Variants in STRADA observed in about 807,000 individuals in gnomAD.
STRADA encodes STE20 related adaptor alpha.
STRADA carries 26 observed loss-of-function variants against 55.0 expected under a neutral mutation model. The observed-to-expected ratio is 0.47, with a 90% CI of 0.35 to 0.66. The LOEUF is 0.66. Ranked by LOEUF, STRADA falls within the 30% of genes least tolerant of loss-of-function variation. The pLI, the probability that STRADA is intolerant of heterozygous loss-of-function variation, is 0.01. For synonymous variants in STRADA, 197 were observed against 210.9 expected, an observed-to-expected ratio of 0.93 and a Z score of 0.57; for missense variants, 443 against 549.7, an observed-to-expected ratio of 0.81 and a Z score of 1.94.
intron 10 of STRADA, 69 bp downstream of exon 10, chr17:63,706,566 G>A (rs2036104025): frequency 9.0e-7 from 1 of 1,108,494 alleles, no homozygotes. Context: ...TCCTGAGTGT[G>A]AGAGCTACTC....
At position 63,703,431 on chromosome 17, in the gene STRADA, G is replaced by A; in HGVS notation, c.*168C>T. 1 of 659,924 alleles carries A rather than the reference G, an allele frequency of 1.5e-6. No individual in the cohort carries two copies. The allele number at this position is 659,924 out of a possible 1,614,324, so 40.9% of individuals were successfully genotyped here. On this transcript the variant is annotated 3_prime_UTR_variant, in exon 13 of 13. Transcript: ENST00000336174. ...GTCTCAAAAGCCTTGGAGCAGTGAA[G>A]TGTCTCTCCAGGATTTTCTTTCCCA...
At position 63,704,566 on chromosome 17, in the gene STRADA, A is replaced by G; in HGVS notation, c.875T>C (p.Leu292Pro). The change falls in exon 11 of 13, where the codon CTG becomes CCG. Residue 292 changes from leucine (L) to proline (P), a missense_variant. Physicochemically the swap from Leu to Pro is moderately conservative, Grantham distance 98. Transcript: ENST00000336174. ...MPATQMLLEKLNGTVPCLLDT... is the reference protein window; with the variant it reads ...MPATQMLLEKPNGTVPCLLDT... ...CAACAGGCAGGGCACTGTGCCGTTC[A>G]GTTTCTCTAGCAGCATCTGGGGAGG... 1 of 1,384,158 alleles carries G rather than the reference A, an allele frequency of 7.2e-7. No homozygotes were observed. The highest frequency in any genetic ancestry group is 9.5e-7 in the Non-Finnish European group (1 of 1,055,586). The allele number at this position is 1,384,158 out of a possible 1,614,324, so 85.7% of individuals were successfully genotyped here. A position where few individuals can be genotyped will look rare whatever the true frequency, so the allele number is the denominator to read the frequency against.
chr17:63,704,922 G>A, intron 10 of STRADA: 1 of 1,534,846 alleles, frequency 6.5e-7, no homozygotes, highest in Non-Finnish European at 8.7e-7. Flanking sequence ...GAGGGAAGGA[G>A]CAGTCAGATG....
chr17:63,738,072 G>C (rs766819048), intron 1 of STRADA, among the ~76,000 whole-genome samples: 1 of 151,958 alleles, frequency 6.6e-6, no homozygotes, highest in Non-Finnish European at 1.5e-5. Context: ...GCTGGGCACG[G>C]TGGCTCACGC....
chr17:63,711,699 C>T (rs981750414), intron 6 of STRADA, among the ~76,000 whole-genome samples: 3 of 151,900 alleles, frequency 2.0e-5, no homozygotes, highest in Non-Finnish European at 4.4e-5. Context: ...CTTTGGGAGG[C>T]GAGGCAGGCA....
intron 4 of STRADA, among the ~76,000 whole-genome samples, chr17:63,717,373 T>C (rs931917329): frequency 4.6e-5 from 7 of 152,212 alleles, no homozygotes; most frequent in African/African-American, 1.7e-4. Flanking sequence ...AATGGCGTGA[T>C]CTCAGCTCAC....
At chr17:63,710,358 G>C in intron 8 of STRADA, 133 bp downstream of exon 8, 2 of 1,449,492 alleles carry the variant, frequency 1.4e-6, no homozygotes, top group Non-Finnish European at 1.9e-6. Flanking sequence ...AGAGCAAAGA[G>C]ATCTTCAGCA....
At chr17:63,708,073 G>T (rs1364974635) in intron 8 of STRADA, among the ~76,000 whole-genome samples, 1 of 152,032 alleles carries the variant, frequency 6.6e-6, no homozygotes, top group Admixed American at 6.6e-5. Flanking sequence ...TAGAGATGGG[G>T]TTTTGCCATG....
intron 1 of STRADA, among the ~76,000 whole-genome samples, chr17:63,731,742 C>T (rs2038070016): frequency 1.3e-5 from 2 of 152,104 alleles, no homozygotes; most frequent in Non-Finnish European, 2.9e-5. Flanking sequence ...TCCATATCCT[C>T]ATGTAGTCTA....
chr17:63,732,053 A>G (rs1284234483), intron 1 of STRADA, among the ~76,000 whole-genome samples: 2 of 151,892 alleles, frequency 1.3e-5, no homozygotes, highest in East Asian at 1.9e-4. Flanking sequence ...TATTTTTAGT[A>G]GAGACAGGGT....
At position 63,736,849 on chromosome 17, in the gene STRADA, CA is replaced by C. The variant is rs1051246761; in HGVS notation, c.-45+4891del. 6.3e-5 allele frequency among the ~76,000 whole-genome samples: 8 copies of C among 127,466 alleles called. No individual in the cohort carries two copies. The South Asian group carries it at 1.3e-3, about 21-fold the overall frequency. 83.6% of individuals were successfully genotyped at this position (127,466 alleles called of 152,430 possible). A position where few individuals can be genotyped will look rare whatever the true frequency, so the allele number is the denominator to read the frequency against. ...TTTCTTCCCCCCACGCCCCCCCCACCAAAAAAAAATCAAGCAGAAAGGCAAC... is the reference window on the plus strand; with the variant it reads ...TTTCTTCCCCCCACGCCCCCCCCACCAAAAAAAATCAAGCAGAAAGGCAAC... On this transcript the variant is annotated intron_variant, in intron 1 of 12. Transcript: ENST00000336174.
intron 1 of STRADA, among the ~76,000 whole-genome samples, chr17:63,731,996 C>T (rs2038093310): frequency 6.6e-6 from 1 of 152,114 alleles, no homozygotes; most frequent in African/African-American, 2.4e-5. Flanking sequence ...TCCTGAGTAG[C>T]TGGGACTACA....
intron 4 of STRADA, among the ~76,000 whole-genome samples, chr17:63,721,727 AG>A (rs1331371750): frequency 6.6e-6 from 1 of 151,972 alleles, no homozygotes; most frequent in African/African-American, 2.4e-5. Flanking sequence ...AAAAAAAAAA[AG>A]AAAGAAAGAA....
chr17:63,730,797 G>A (rs1230100464), intron 1 of STRADA, among the ~76,000 whole-genome samples: 1 of 151,942 alleles, frequency 6.6e-6, no homozygotes, highest in African/African-American at 2.4e-5. Flanking sequence ...TTGATCTCAG[G>A]TGATCCACCC....
At chr17:63,714,875 T>A (rs1413413972) in intron 4 of STRADA, among the ~76,000 whole-genome samples, 2 of 152,222 alleles carry the variant, frequency 1.3e-5, no homozygotes, top group African/African-American at 4.8e-5. Context: ...GACCAACAGC[T>A]CTTCTTTCAG....
At position 63,712,076 on chromosome 17, in the gene STRADA, A is replaced by G. The variant is rs111586869; in HGVS notation, c.349-1240T>C. Among the ~76,000 whole-genome samples the G allele has an allele frequency of 8.4e-3, 1,283 of 152,292 alleles. 15 individuals carry two copies. Among genetic ancestry groups the G allele is most frequent in the Middle Eastern group, 0.014 (4 of 294 alleles). Reference sequence around the variant, plus strand: ...CTAGAGCACCATCAGGTAACCACCAATTCAGAAAAAGTTGTAAATGAAGGA... The same window carrying G: ...CTAGAGCACCATCAGGTAACCACCAGTTCAGAAAAAGTTGTAAATGAAGGA... On this transcript the variant is annotated intron_variant, in intron 6 of 12. Transcript: ENST00000336174.
At chr17:63,703,982 C>T in intron 12 of STRADA, 23 bp downstream of exon 12, 1 of 1,613,738 alleles carries the variant, frequency 6.2e-7, no homozygotes, top group Non-Finnish European at 8.5e-7. Context: ...AGAACCAGAA[C>T]CAGAACGAAG....
In STRADA at chr17:63,733,141, C is replaced by T. The variant is rs564481735; in HGVS notation, c.-44-4728G>A. ...CTGACCTCAGGTGATCCGCCCACCT[C>T]GGCCTTCCAACTAAAAACCATTTCC... On this transcript the variant is annotated intron_variant, in intron 1 of 12. Transcript: ENST00000336174. Among the ~76,000 whole-genome samples the T allele has an allele frequency of 2.6e-5, 4 of 152,292 alleles. No individual in the cohort carries two copies. The South Asian group carries it at 6.2e-4, about 24-fold the overall frequency.
chr17:63,724,379 G>T (rs2037504764), intron 3 of STRADA, among the ~76,000 whole-genome samples: 1 of 151,766 alleles, frequency 6.6e-6, no homozygotes. Flanking sequence ...CTGACCTCAG[G>T]TGATCTGCCT....
Sources: allele counts gnomAD v4.1 joint callset (sites outside exome capture counted in the v4.1 genomes callset), GRCh38; gene constraint gnomAD v4.1.1; transcripts MANE v1.5; gene names NCBI Gene and HGNC (gene_info 2026-07-23, HGNC 2026-07-21).